The following GATAD2A variants were observed in gnomAD, a reference collection of about 807,000 sequenced individuals.
GATAD2A encodes the protein GATA zinc finger domain containing 2A, also known as transcriptional repressor p66-alpha.
A neutral mutation model predicts 68.5 loss-of-function variants in GATAD2A; 12 were observed. The observed-to-expected ratio is 0.18, with a 90% CI of 0.11 to 0.28. GATAD2A has a LOEUF of 0.28. Among genes scored for constraint, GATAD2A ranks in the 10% least tolerant of loss-of-function variants. The pLI is 1.00. For missense variants in GATAD2A, 755 were observed against 868.5 expected (o/e 0.87, Z 1.64); for synonymous variants, 410 against 375.3 (o/e 1.09, Z -1.07).
chr19:19,502,232 G>A (rs2060580259), intron 10 of GATAD2A, 99 bp from the exon 11 acceptor site: 3 of 1,035,678 alleles, frequency 2.9e-6, no homozygotes, highest in Non-Finnish European at 2.9e-6. Context: ...CCATGTGGGT[G>A]GGAAGAGGTC....
chr19:19,486,191 T>TGTAATGGGCTCCCACTCTTTCCTCA (rs1335254515), intron 2 of GATAD2A, among the ~76,000 whole-genome samples: 1 of 152,192 alleles, frequency 6.6e-6, no homozygotes, highest in Admixed American at 6.5e-5. Context: ...TTGTCTGCTC[T>TGTAATGGGCTCCCACTCTTTCCTCA]GTAATGGGCT....
intron 1 of GATAD2A, among the ~76,000 whole-genome samples, chr19:19,431,223 G>T (rs1252619694): frequency 6.6e-6 from 1 of 151,424 alleles, no homozygotes; most frequent in Non-Finnish European, 1.5e-5. Flanking sequence ...TTAGTGGAAA[G>T]CGATTACAGT....
At position 19,500,979 on chromosome 19, in the gene GATAD2A, A is replaced by G. The variant is rs2060487663; in HGVS notation, c.1205-139A>G. The G allele has an allele frequency of 1.6e-5, 12 of 751,594 alleles. No individual in the cohort carries two copies. The East Asian group carries it at 2.9e-4, about 18-fold the overall frequency. 46.6% of individuals were successfully genotyped at this position (751,594 alleles called of 1,614,324 possible). A position where few individuals can be genotyped will look rare whatever the true frequency, so the allele number is the denominator to read the frequency against. ...CGGCGTTGGCCGGCCCCATGTCCAC[A>G]TGTCATTGGTGCCCAGTAGGCATTT... On this transcript the variant is annotated intron_variant, in intron 8 of 11. Transcript: ENST00000683918.
intron 8 of GATAD2A, among the ~76,000 whole-genome samples, 178 bp from the exon 9 acceptor site, chr19:19,500,940 T>G (rs1195034154): frequency 6.6e-6 from 1 of 152,200 alleles, no homozygotes; most frequent in Admixed American, 6.5e-5. Flanking sequence ...AGGCCGACGT[T>G]TTCTGAAGCT....
intron 2 of GATAD2A, among the ~76,000 whole-genome samples, chr19:19,466,918 CAG>C (rs1297701425): frequency 6.6e-6 from 1 of 152,162 alleles, no homozygotes; most frequent in East Asian, 1.9e-4. Flanking sequence ...GGTGTGGAGT[CAG>C]GGCAGGAAGA....
At chr19:19,492,490 C>T in intron 3 of GATAD2A, 52 bp downstream of exon 3, 2 of 1,612,620 alleles carry the variant, frequency 1.2e-6, no homozygotes, top group South Asian at 1.1e-5. Context: ...CCTTCCTACT[C>T]ATGACACCCT....
intron 1 of GATAD2A, among the ~76,000 whole-genome samples, chr19:19,412,632 CG>C (rs565696861): frequency 6.6e-6 from 1 of 151,620 alleles, no homozygotes; most frequent in Non-Finnish European, 1.5e-5. Context: ...ACTCTGTCTG[CG>C]GGGGGGATAA....
upstream of GATAD2A, among the ~76,000 whole-genome samples, chr19:19,404,781 G>C (rs939773966): frequency 2.6e-5 from 4 of 152,276 alleles, no homozygotes; most frequent in South Asian, 8.3e-4. Flanking sequence ...TAGGGTATGC[G>C]ATAAAGCATG....
intron 2 of GATAD2A, among the ~76,000 whole-genome samples, chr19:19,491,382 G>GT (rs2059780256): frequency 6.6e-6 from 1 of 152,196 alleles, no homozygotes; most frequent in Non-Finnish European, 1.5e-5. Context: ...CTTAGGTCAA[G>GT]TTCACAGGTG....
chr19:19,477,025 C>T (rs1600232960), intron 2 of GATAD2A, among the ~76,000 whole-genome samples: 1 of 152,140 alleles, frequency 6.6e-6, no homozygotes, highest in Non-Finnish European at 1.5e-5. Flanking sequence ...GGATAGTCTG[C>T]CCCCACTTTG....
At chr19:19,474,979 A>C (rs56280531) in intron 2 of GATAD2A, among the ~76,000 whole-genome samples, 23,993 of 152,294 alleles carry the variant, frequency 0.16, 2,008 homozygotes, top group Middle Eastern at 0.28. Flanking sequence ...AGAAGAGCCC[A>C]CTGCCCCTTG....
chr19:19,476,801 G>A (rs1009054909), intron 2 of GATAD2A, among the ~76,000 whole-genome samples: 1 of 152,222 alleles, frequency 6.6e-6, no homozygotes, highest in East Asian at 1.9e-4. Flanking sequence ...TCACACCCAG[G>A]GGGGCAGTGT....
chr19:19,493,088 G>A (rs1261244888), intron 4 of GATAD2A, among the ~76,000 whole-genome samples: 8 of 152,036 alleles, frequency 5.3e-5, no homozygotes, highest in African/African-American at 1.9e-4. Flanking sequence ...CTACAGGCGC[G>A]TGCCACCACA....
intron 1 of GATAD2A, among the ~76,000 whole-genome samples, chr19:19,407,163 G>A (rs2050375043): frequency 6.6e-6 from 1 of 152,216 alleles, no homozygotes. Context: ...CCCTCTGTGC[G>A]GGTGTCTCAG....
chr19:19,433,843 C>A (rs902241113), intron 1 of GATAD2A, among the ~76,000 whole-genome samples: 1 of 152,186 alleles, frequency 6.6e-6, no homozygotes, highest in Non-Finnish European at 1.5e-5. Flanking sequence ...GGCACAGTCA[C>A]GGCTCACTGC....
intron 1 of GATAD2A, among the ~76,000 whole-genome samples, chr19:19,453,446 A>C (rs1348097265): frequency 6.6e-6 from 1 of 152,130 alleles, no homozygotes; most frequent in Non-Finnish European, 1.5e-5. Flanking sequence ...GACTTGTCAA[A>C]AGAGTTAACC....
intron 1 of GATAD2A, among the ~76,000 whole-genome samples, chr19:19,443,117 G>A (rs1033358056): frequency 6.6e-6 from 1 of 152,174 alleles, no homozygotes; most frequent in African/African-American, 2.4e-5. Flanking sequence ...CTAATGGGCA[G>A]CACAGCTATT....
At chr19:19,402,929 T>C (rs980462161), upstream of GATAD2A, among the ~76,000 whole-genome samples, 1 of 151,728 alleles carries the variant, frequency 6.6e-6, no homozygotes, top group African/African-American at 2.4e-5. Flanking sequence ...TGCACCACCA[T>C]GTCTGGCTAA....
chr19:19,408,464 C>G (rs186736964), intron 1 of GATAD2A, among the ~76,000 whole-genome samples: 3 of 152,128 alleles, frequency 2.0e-5, no homozygotes, highest in African/African-American at 7.2e-5. Context: ...CAATAAAGGT[C>G]TCTACATTAG....
Sources: gnomAD v4.1 joint callset for allele counts (sites outside exome capture counted in the v4.1 genomes callset) on GRCh38, gnomAD v4.1.1 for gene constraint, MANE v1.5 for transcripts, NCBI Gene and HGNC (gene_info 2026-07-23, HGNC 2026-07-21) for gene names.